The following DOP1A variants were observed in gnomAD, a reference collection of about 807,000 sequenced individuals.
DOP1A encodes DOP1 leucine zipper like protein A.
In DOP1A, 90 loss-of-function variants were observed where a neutral mutation model predicts 267.6. The observed-to-expected ratio is 0.34, with a 90% CI of 0.28 to 0.40. The LOEUF is 0.40. DOP1A is among the 10% of genes least tolerant of loss of function. The pLI, the probability that DOP1A is intolerant of heterozygous loss-of-function variation, is 1.00. For synonymous variants in DOP1A, 932 were observed against 999.1 expected, an observed-to-expected ratio of 0.93 and a Z score of 1.27; for missense variants, 2,437 against 2,900.4, an observed-to-expected ratio of 0.84 and a Z score of 3.67.
intron 15 of DOP1A, 32 bp from the exon 16 acceptor site, chr6:83,128,855 C>T (rs371523804): frequency 3.2e-5 from 49 of 1,511,172 alleles, no homozygotes; most frequent in Admixed American, 2.6e-4. Flanking sequence ...CTTTGCTACT[C>T]AGCCTTTTGT....
chr6:83,145,486 T>TATACATAC, intron 24 of DOP1A, 38 bp from the exon 25 acceptor site: 1 of 1,506,216 alleles, frequency 6.6e-7, no homozygotes, highest in Non-Finnish European at 8.9e-7. Context: ...AAAAGACTTA[T>TATACATAC]ATACATACAT....
chr6:83,166,428 C>A, intron 38 of DOP1A: 1 of 702,002 alleles, frequency 1.4e-6, no homozygotes. Context: ...GGGCCAAATG[C>A]ATTGTTGATG....
chr6:83,073,255 A>G (rs1785922090), intron 1 of DOP1A: 2 of 158,586 alleles, frequency 1.3e-5, no homozygotes, highest in South Asian at 3.4e-4. Flanking sequence ...GCTAATTTTT[A>G]TTGTATTTTT....
intron 4 of DOP1A, among the ~76,000 whole-genome samples, chr6:83,108,444 C>T (rs1005151573): frequency 1.3e-5 from 2 of 152,164 alleles, no homozygotes; most frequent in Non-Finnish European, 2.9e-5. Flanking sequence ...TTCCAAAGTG[C>T]TTGGATTACA....
chr6:83,124,619 G>A (rs1454270386), intron 12 of DOP1A, 86 bp from the exon 13 acceptor site: 4 of 981,884 alleles, frequency 4.1e-6, no homozygotes, highest in Non-Finnish European at 6.4e-6. Flanking sequence ...ATATTGACTT[G>A]GACTTCATTA....
chr6:83,091,147 A>G (rs909504271), intron 1 of DOP1A, among the ~76,000 whole-genome samples: 8 of 151,874 alleles, frequency 5.3e-5, no homozygotes, highest in East Asian at 3.9e-4. Flanking sequence ...ACTCTCCCTT[A>G]TAATACCATC....
Position 83,140,227 on chromosome 6 carries a change from G to T in DOP1A, c.5239G>T (p.Val1747Phe). The T allele has an allele frequency of 1.2e-6, 2 of 1,610,492 alleles. No homozygotes were observed. Among genetic ancestry groups the T allele is most frequent in the Non-Finnish European group, 1.7e-6 (2 of 1,179,006 alleles). The change falls in exon 23 of 39, where the codon GTC becomes TTC. Residue 1747 changes from valine to phenylalanine, a missense_variant. Val to Phe is a conservative substitution (Grantham distance 50, BLOSUM62 -1). Transcript: ENST00000349129. Reference protein sequence around the residue: ...DPTTQYHQLLVSVDQKHLFEA... With the variant: ...DPTTQYHQLLFSVDQKHLFEA... ...TTCCCCCAACTGTTAATAGCTTTTG[G>T]TCAGTGTAGACCAGAAACACTTGTT... is the stretch of plus-strand genomic sequence containing the variant.
chr6:83,143,557 G>A (rs557945520), intron 24 of DOP1A, among the ~76,000 whole-genome samples: 2 of 152,244 alleles, frequency 1.3e-5, no homozygotes, highest in East Asian at 3.9e-4. Flanking sequence ...TTAAGTGGGT[G>A]AGACCATGAA....
chr6:83,134,260 C>A lies in DOP1A; in HGVS notation c.2843C>A (p.Ser948Tyr). Reference sequence around the variant, plus strand: ...ACGAGAGATCTCCATATAAATAAATCTTCATCTTTTGTACGTTCTTTTGAC... The same window carrying A: ...ACGAGAGATCTCCATATAAATAAATATTCATCTTTTGTACGTTCTTTTGAC... ...HLTRDLHINK[S>Y]SSFVRSFDRS... Residue 948 changes from serine to tyrosine, a missense_variant, in exon 19 of 39, where the codon TCT (serine) becomes TAT (tyrosine). Ser to Tyr is a moderately radical substitution (Grantham distance 144). This residue lies in a region of DOP1A where 878 missense variants were observed against 992.9 expected (regional missense o/e 0.88). Coordinates refer to ENST00000349129, the MANE Select transcript of DOP1A (RefSeq NM_015018.4). 5 of 1,611,996 alleles carry A rather than the reference C, an allele frequency of 3.1e-6. No homozygotes were observed. Among genetic ancestry groups the A allele is most frequent in the Non-Finnish European group, 4.2e-6 (5 of 1,178,942 alleles).
intron 18 of DOP1A, among the ~76,000 whole-genome samples, chr6:83,133,424 A>T (rs964917221): frequency 1.4e-4 from 21 of 152,084 alleles, no homozygotes; most frequent in African/African-American, 4.8e-4. Context: ...TTAAGCCCAT[A>T]GAAAAAACAA....
intron 1 of DOP1A, among the ~76,000 whole-genome samples, chr6:83,076,635 G>A (rs541929978): frequency 3.0e-4 from 45 of 152,218 alleles, no homozygotes; most frequent in African/African-American, 1.0e-3. Context: ...TGGCAAGGAT[G>A]TAGGGAAATT....
rs948216090 is a variant in DOP1A at position 83,137,301 on chromosome 6, G to A, written c.3259G>A (p.Glu1087Lys). 6.2e-7 allele frequency: 1 copy of A among 1,613,658 alleles called. No homozygotes were observed. The highest frequency in any genetic ancestry group is 1.3e-5 in the African/African-American group (1 of 74,886). Reference sequence around the variant, plus strand: ...ACTTTCCCTCCTAAGTACCAGCAGTGAGACAATTCCAATGGTTGTGTCTGA... The same window carrying A: ...ACTTTCCCTCCTAAGTACCAGCAGTAAGACAATTCCAATGGTTGTGTCTGA... ...DRLSLLSTSSETIPMVVSDFD... is the reference protein window; with the variant it reads ...DRLSLLSTSSKTIPMVVSDFD... Residue 1087 changes from glutamate to lysine, a missense_variant, in exon 21 of 39, where the codon GAG becomes AAG. Physicochemically the swap from Glu to Lys is moderately conservative, Grantham distance 56 (BLOSUM62 1). This residue lies in a region of DOP1A where 878 missense variants were observed against 992.9 expected (regional missense o/e 0.88). Coordinates refer to ENST00000349129, the MANE Select transcript of DOP1A (RefSeq NM_015018.4).
chr6:83,119,893 T>A (rs1776079151), intron 9 of DOP1A, 36 bp downstream of exon 9: 1 of 1,537,976 alleles, frequency 6.5e-7, no homozygotes, highest in Admixed American at 1.7e-5. Flanking sequence ...GGTTACTTAC[T>A]GACCACTAGA....
intron 38 of DOP1A, chr6:83,165,846 GT>G: frequency 3.6e-5 from 12 of 336,926 alleles, no homozygotes; most frequent in South Asian, 1.6e-4. Context: ...AGGCATTGCA[GT>G]TTTTGGTGCA....
intron 1 of DOP1A, among the ~76,000 whole-genome samples, chr6:83,078,465 G>A (rs561967685): frequency 6.6e-6 from 1 of 152,238 alleles, no homozygotes; most frequent in African/African-American, 2.4e-5. Flanking sequence ...ACATAGTCCA[G>A]GTATAAAATA....
intron 27 of DOP1A, 147 bp from the exon 28 acceptor site, chr6:83,151,446 G>C: frequency 2.0e-6 from 1 of 499,916 alleles, no homozygotes. Context: ...ATGAATGTCA[G>C]TTGAGTCATA....
rs758074792 is a variant in DOP1A, at chr6:83,100,822, A to G, written c.256A>G (p.Thr86Ala). The change falls in exon 4 of 39, where the codon ACA (threonine) becomes GCA (alanine). Residue 86 changes from threonine to alanine, a missense_variant. Coordinates refer to ENST00000349129, the MANE Select transcript of DOP1A (RefSeq NM_015018.4). The part of the protein sequence containing the change: ...PGGVHRKALE[T>A]YEIIFKIIGP... ...TGGAGTTCATCGGAAGGCGCTTGAA[A>G]CATATGAAATTATCTTCAAAATAAT... 1.3e-6 allele frequency: 2 copies of G among 1,589,598 alleles called. No individual in the cohort carries two copies. Among genetic ancestry groups the G allele is most frequent in the South Asian group, 1.2e-5 (1 of 85,910 alleles).
At position 83,158,575 on chromosome 6, in the gene DOP1A, A is replaced by G; in HGVS notation, c.6750A>G (p.Val2250=). 1 of 1,604,420 alleles carries G rather than the reference A, an allele frequency of 6.2e-7. No homozygotes were observed. Among genetic ancestry groups the G allele is most frequent in the East Asian group, 2.2e-5 (1 of 44,660 alleles). Reference sequence around the variant, plus strand: ...CATTTCACCATTTTCAGGTACAAGTATTTTTACTGATGGAGCAGGAACTCA... The same window carrying G: ...CATTTCACCATTTTCAGGTACAAGTGTTTTTACTGATGGAGCAGGAACTCA... ...WPTMITELVQ[V]FLLMEQELTA... The change falls in exon 36 of 39, where the codon GTA becomes GTG. Residue 2250 remains valine, a synonymous_variant. Coordinates refer to ENST00000349129, the MANE Select transcript of DOP1A (RefSeq NM_015018.4).
At chr6:83,082,482 T>C (rs1164414724) in intron 1 of DOP1A, among the ~76,000 whole-genome samples, 1 of 152,086 alleles carries the variant, frequency 6.6e-6, no homozygotes, top group East Asian at 1.9e-4. Context: ...AAGTAGAGAA[T>C]AGAATGGTGC....
Sources: allele counts gnomAD v4.1 joint callset (sites outside exome capture counted in the v4.1 genomes callset), GRCh38; gene constraint gnomAD v4.1.1; regional missense constraint gnomAD v4.1.1; transcripts MANE v1.5; gene names NCBI Gene and HGNC (gene_info 2026-07-23, HGNC 2026-07-21).